The following SIPA1L1 variants were observed in gnomAD, a reference collection of about 807,000 sequenced individuals.
The protein encoded by SIPA1L1 is signal-induced proliferation-associated 1-like protein 1.
Under a neutral mutation model 162.7 loss-of-function variants are expected in SIPA1L1, and 26 were observed. The observed-to-expected ratio is 0.16, with a 90% CI of 0.12 to 0.22. The LOEUF (loss-of-function observed/expected upper bound fraction) is 0.22, where lower values mean the gene tolerates loss of function less well. SIPA1L1 is among the 10% of genes least tolerant of loss of function. The probability of loss-of-function intolerance (pLI) is 1.00; values close to 1 mark genes in which losing one functional copy is unlikely to be tolerated. For missense variants in SIPA1L1, 1,874 were observed against 2,241.0 expected (o/e 0.84, Z 3.31); for synonymous variants, 829 against 837.4 (o/e 0.99, Z 0.17).
Position 71,709,338 on chromosome 14 carries a change from C to G in SIPA1L1, c.3882C>G (p.Ser1294Arg). Residue 1294 changes from serine (S) to arginine (R), a missense_variant, in exon 17 of 24, where the codon AGC (serine) becomes AGG (arginine). Physicochemically the swap from Ser to Arg is moderately radical, Grantham distance 110 (BLOSUM62 -1). Coordinates refer to ENST00000381232, the MANE Select transcript of SIPA1L1 (RefSeq NM_001386936.1). Reference sequence around the variant, plus strand: ...ACCGCACAGAATCCGAACTCAACAGCTATAACTATCTGCAAGGCACCTCTG... The same window carrying G: ...ACCGCACAGAATCCGAACTCAACAGGTATAACTATCTGCAAGGCACCTCTG... ...DGDRTESELN[S>R]YNYLQGTSAD... The G allele has an allele frequency of 6.2e-7, 1 of 1,614,216 alleles. No individual in the cohort carries two copies. Among genetic ancestry groups the G allele is most frequent in the Non-Finnish European group, 8.5e-7 (1 of 1,180,050 alleles).
chr14:71,377,097 C>G lies in SIPA1L1; in HGVS notation c.-465+55916C>G, dbSNP rs1437146085. 6.6e-6 allele frequency among the ~76,000 whole-genome samples: 1 copy of G among 151,636 alleles called. No individual in the cohort carries two copies. Among genetic ancestry groups the G allele is most frequent in the Non-Finnish European group, 1.5e-5 (1 of 67,954 alleles). ...CTGGGCAGAGGGGCTCCTCACTTTC[C>G]AGATGTGGCGGCCGGGCAGAGGGGC... On this transcript the variant is annotated intron_variant, in intron 2 of 23. Transcript: ENST00000381232. This position sits in a 1 kb window ranked among gnomAD's most constrained non-coding sequence, Gnocchi z 4.8.
intron 3 of SIPA1L1, among the ~76,000 whole-genome samples, chr14:71,527,685 C>T (rs2053021813): frequency 6.6e-6 from 1 of 152,180 alleles, no homozygotes; most frequent in Admixed American, 6.5e-5. Context: ...GAATCTCACA[C>T]ACACTGAGGC....
intron 7 of SIPA1L1, among the ~76,000 whole-genome samples, chr14:71,648,501 C>G (rs2042357440): frequency 6.6e-6 from 1 of 152,108 alleles, no homozygotes; most frequent in Admixed American, 6.5e-5. Flanking sequence ...AATGGTAGTT[C>G]AGGTTCGTAG....
intron 6 of SIPA1L1, among the ~76,000 whole-genome samples, chr14:71,620,208 T>C (rs1177443811): frequency 6.6e-6 from 1 of 152,196 alleles, no homozygotes; most frequent in Non-Finnish European, 1.5e-5. Flanking sequence ...TAGCTGGGAT[T>C]ACAGGCATGC....
intron 2 of SIPA1L1, among the ~76,000 whole-genome samples, chr14:71,459,202 A>G (rs2046404644): frequency 6.6e-6 from 1 of 152,098 alleles, no homozygotes; most frequent in Non-Finnish European, 1.5e-5. Flanking sequence ...AGAGTAAGAG[A>G]GGTTTATAGT....
At chr14:71,738,640 A>C (rs2085537900) in intron 23 of SIPA1L1, among the ~76,000 whole-genome samples, 1 of 152,174 alleles carries the variant, frequency 6.6e-6, no homozygotes, top group Admixed American at 6.5e-5. Flanking sequence ...AGTCGGTGTT[A>C]TTGGGGCTTT....
At chr14:71,644,030 A>G (rs912068289) in intron 7 of SIPA1L1, among the ~76,000 whole-genome samples, 1 of 151,994 alleles carries the variant, frequency 6.6e-6, no homozygotes. Context: ...CTGGTCTCAA[A>G]CTCCTGACCT....
intron 4 of SIPA1L1, among the ~76,000 whole-genome samples, chr14:71,581,617 G>C (rs1195246632): frequency 6.6e-6 from 1 of 152,050 alleles, no homozygotes; most frequent in Non-Finnish European, 1.5e-5. Context: ...ACAGTATTGG[G>C]TGAATAAGTT....
chr14:71,428,451 G>T (rs1276097934), intron 2 of SIPA1L1, among the ~76,000 whole-genome samples: 1 of 151,436 alleles, frequency 6.6e-6, no homozygotes, highest in Non-Finnish European at 1.5e-5. Flanking sequence ...TCAATCTGAT[G>T]TGTAAATTTA....
At chr14:71,425,100 A>G (rs1278964778) in intron 2 of SIPA1L1, among the ~76,000 whole-genome samples, 1 of 151,994 alleles carries the variant, frequency 6.6e-6, no homozygotes, top group Non-Finnish European at 1.5e-5. Context: ...ATCAGTAGTA[A>G]TGTCCCCACT....
intron 2 of SIPA1L1, among the ~76,000 whole-genome samples, chr14:71,414,773 T>C (rs775111613): frequency 6.6e-6 from 1 of 152,186 alleles, no homozygotes; most frequent in Non-Finnish European, 1.5e-5. Flanking sequence ...TCCTGAATAA[T>C]TGAGAAATGA....
chr14:71,489,981 C>A (rs960011957), intron 2 of SIPA1L1, among the ~76,000 whole-genome samples: 4 of 152,170 alleles, frequency 2.6e-5, no homozygotes, highest in Non-Finnish European at 2.9e-5. Flanking sequence ...TGGAGGGATT[C>A]TTTCAAGCCT....
intron 2 of SIPA1L1, among the ~76,000 whole-genome samples, chr14:71,463,822 A>G (rs141018774): frequency 1.3e-5 from 2 of 152,312 alleles, no homozygotes; most frequent in African/African-American, 4.8e-5. Flanking sequence ...TTTCACTTCT[A>G]GGAACACCAT....
rs1395976665 is a variant in SIPA1L1, at chr14:71,377,670, A to G, written c.-465+56489A>G. 6.6e-6 allele frequency among the ~76,000 whole-genome samples: 1 copy of G among 152,126 alleles called. No individual in the cohort carries two copies. Among genetic ancestry groups the G allele is most frequent in the East Asian group, 1.9e-4 (1 of 5,184 alleles). ...TAGCGAGCTGAGATCACGCCACTGC[A>G]CTCCAGCGTGGGCAACATTGAGCAC... On this transcript the variant is annotated intron_variant, in intron 2 of 23. Transcript: ENST00000381232. This position sits in a 1 kb window ranked among gnomAD's most constrained non-coding sequence, Gnocchi z 4.8.
intron 7 of SIPA1L1, among the ~76,000 whole-genome samples, chr14:71,638,220 A>G (rs1024705058): frequency 6.6e-6 from 1 of 152,284 alleles, no homozygotes; most frequent in East Asian, 1.9e-4. Flanking sequence ...CCCTAATACC[A>G]AAGCCAGACA....
chr14:71,429,073 C>T (rs1428303704), intron 2 of SIPA1L1, among the ~76,000 whole-genome samples: 1 of 152,148 alleles, frequency 6.6e-6, no homozygotes, highest in East Asian at 1.9e-4. Context: ...CATCCCAGAA[C>T]CTGCTCCTCA....
chr14:71,467,857 A>AT (rs967784828), intron 2 of SIPA1L1, among the ~76,000 whole-genome samples: 3 of 151,758 alleles, frequency 2.0e-5, no homozygotes, highest in Non-Finnish European at 4.4e-5. Flanking sequence ...TCTCTTAAAA[A>AT]AAAAAAAAAA....
chr14:71,582,735 G>A (rs2034110783), intron 4 of SIPA1L1, among the ~76,000 whole-genome samples: 1 of 152,194 alleles, frequency 6.6e-6, no homozygotes, highest in African/African-American at 2.4e-5. Context: ...TTCAGAGAGT[G>A]AACATTAGGA....
rs1162640092 is a variant in SIPA1L1 at position 71,529,067 on chromosome 14, G to A, written c.-361-245G>A. ...GTGGAGGTTGTGGTGAGCCAAGATC[G>A]CACCATTGCCCTCTAGCCTGGGCAA... On this transcript the variant is annotated intron_variant, in intron 3 of 23. Transcript: ENST00000381232. Among the ~76,000 whole-genome samples the A allele has an allele frequency of 3.3e-5, 5 of 151,468 alleles. No homozygotes were observed. In the East Asian group the frequency reaches 5.8e-4, roughly 18 times the overall value.
Sources: gnomAD v4.1 joint callset for allele counts (sites outside exome capture counted in the v4.1 genomes callset) on GRCh38, gnomAD v4.1.1 for gene constraint, Gnocchi (gnomAD v3.1) non-coding constraint, MANE v1.5 for transcripts, NCBI Gene and HGNC (gene_info 2026-07-23, HGNC 2026-07-21) for gene names.